Variants in DGKB observed in about 807,000 individuals in gnomAD.
DGKB encodes the protein 90 kDa diacylglycerol kinase.
Under a neutral mutation model 114.3 loss-of-function variants are expected in DGKB, and 67 were observed. The observed-to-expected ratio is 0.59, with a 90% CI of 0.48 to 0.72. DGKB has a LOEUF of 0.72. DGKB is among the 30% of genes least tolerant of loss of function. The pLI is 0.00. For missense variants in DGKB, 907 were observed against 975.2 expected, an observed-to-expected ratio of 0.93 and a Z score of 0.93; for synonymous variants, 398 against 323.1, an observed-to-expected ratio of 1.23 and a Z score of -2.49.
chr7:14,224,355 G>A (rs1790451423), intron 23 of DGKB, among the ~76,000 whole-genome samples: 1 of 151,778 alleles, frequency 6.6e-6, no homozygotes, highest in Non-Finnish European at 1.5e-5. Context: ...CTATTTTTAT[G>A]TATAATGTAT....
intron 23 of DGKB, among the ~76,000 whole-genome samples, chr7:14,246,089 A>C (rs1794430408): frequency 6.6e-6 from 1 of 152,166 alleles, no homozygotes. Flanking sequence ...AAGGAGCCTT[A>C]ATAGGGGACA....
intron 13 of DGKB, among the ~76,000 whole-genome samples, chr7:14,664,740 G>C (rs1817722335): frequency 6.6e-6 from 1 of 151,924 alleles, no homozygotes; most frequent in South Asian, 2.1e-4. Flanking sequence ...CACCTCTAGA[G>C]CCCCTGTAAG....
intron 17 of DGKB, among the ~76,000 whole-genome samples, chr7:14,591,853 T>G (rs1284795360): frequency 6.6e-6 from 1 of 151,986 alleles, no homozygotes; most frequent in Non-Finnish European, 1.5e-5. Context: ...CAGTAAATTT[T>G]CACTTGTACC....
intron 13 of DGKB, among the ~76,000 whole-genome samples, chr7:14,658,204 A>G (rs552782763): frequency 1.3e-5 from 2 of 152,078 alleles, no homozygotes; most frequent in East Asian, 3.9e-4. Flanking sequence ...CAACTTAGCC[A>G]AGTTTTCAGA....
At position 14,793,082 on chromosome 7, in the gene DGKB, T is replaced by C. The variant is rs542972296; in HGVS notation, c.71-35351A>G. The stretch of plus-strand genomic sequence containing the variant: ...AAAAAGACTGCCCCTACCAAACATA[T>C]GCGTATGTAATACACATTTTAGAGG... On this transcript the variant is annotated intron_variant, in intron 2 of 25. Coordinates refer to ENST00000402815, the MANE Select transcript of DGKB (RefSeq NM_001350709.2). Among the ~76,000 whole-genome samples the C allele has an allele frequency of 1.2e-4, 19 of 152,158 alleles. No homozygotes were observed. The South Asian group carries it at 3.7e-3, about 30-fold the overall frequency.
Position 14,746,560 on chromosome 7 carries a change from G to T in DGKB, c.168+7368C>A, listed in dbSNP as rs139332631. 1.3e-3 allele frequency among the ~76,000 whole-genome samples: 198 copies of T among 152,144 alleles called. 1 individual carries two copies. Among genetic ancestry groups the T allele is most frequent in the African/African-American group, 4.5e-3 (188 of 41,500 alleles). On this transcript the variant is annotated intron_variant, in intron 4 of 25. Coordinates refer to ENST00000402815, the MANE Select transcript of DGKB (RefSeq NM_001350709.2). ...CCACCCCATGCTGGAGTGCAATGGCGTGATCTTGGCTCACTGCAACTTCCG... is the reference window on the plus strand; with the variant it reads ...CCACCCCATGCTGGAGTGCAATGGCTTGATCTTGGCTCACTGCAACTTCCG...
chr7:14,332,900 A>G (rs1056680476), intron 23 of DGKB, among the ~76,000 whole-genome samples: 2 of 152,174 alleles, frequency 1.3e-5, no homozygotes, highest in Non-Finnish European at 2.9e-5. Flanking sequence ...GGACAGTTGT[A>G]TCCATATGCA....
At chr7:14,724,763 A>G (rs896249335) in intron 5 of DGKB, among the ~76,000 whole-genome samples, 6 of 152,218 alleles carry the variant, frequency 3.9e-5, no homozygotes, top group Non-Finnish European at 5.9e-5. Flanking sequence ...TCGTGATCAT[A>G]TACCAGTCAG....
At chr7:14,384,466 A>C (rs1417446650) in intron 21 of DGKB, among the ~76,000 whole-genome samples, 1 of 151,950 alleles carries the variant, frequency 6.6e-6, no homozygotes, top group East Asian at 1.9e-4. Flanking sequence ...CCACCACTAA[A>C]CCCAATGTGT....
chr7:14,263,237 G>A (rs186298120), intron 23 of DGKB, among the ~76,000 whole-genome samples: 2 of 152,230 alleles, frequency 1.3e-5, no homozygotes, highest in East Asian at 1.9e-4. Context: ...ACAGCAGGTA[G>A]TATTACTACG....
At chr7:14,796,533 C>A (rs188241004) in intron 2 of DGKB, among the ~76,000 whole-genome samples, 17 of 152,102 alleles carry the variant, frequency 1.1e-4, no homozygotes, top group Non-Finnish European at 2.1e-4. Context: ...TGGCTTTACC[C>A]GCACAATTCT....
chr7:14,332,351 G>A (rs965999889), intron 23 of DGKB, among the ~76,000 whole-genome samples: 1 of 151,990 alleles, frequency 6.6e-6, no homozygotes, highest in Non-Finnish European at 1.5e-5. Context: ...GCTGGAATCT[G>A]GTGCCTGCAC....
chr7:14,901,605 A>ACCCCCCCCCCCCCCCCC (rs1300363624), intron 1 of DGKB, among the ~76,000 whole-genome samples: 5 of 123,092 alleles, frequency 4.1e-5, no homozygotes, highest in African/African-American at 3.1e-5. Flanking sequence ...AGGGATTTCC[A>ACCCCCCCCCCCCCCCCC]CCCCCCCCCA....
At chr7:14,587,065 A>T (rs1204521761) in intron 17 of DGKB, among the ~76,000 whole-genome samples, 1 of 152,132 alleles carries the variant, frequency 6.6e-6, no homozygotes, top group Non-Finnish European at 1.5e-5. Flanking sequence ...TGCCACAGAC[A>T]GTGATTCATT....
At chr7:14,936,596 GA>G (rs952124322) in intron 1 of DGKB, among the ~76,000 whole-genome samples, 3 of 152,100 alleles carry the variant, frequency 2.0e-5, no homozygotes, top group Non-Finnish European at 2.9e-5. Context: ...GGAAAGGAAG[GA>G]AAAAGACTTA....
intron 1 of DGKB, among the ~76,000 whole-genome samples, chr7:14,947,492 T>C (rs17168536): frequency 0.048 from 6,691 of 138,920 alleles, 437 homozygotes; most frequent in African/African-American, 0.16. Flanking sequence ...GAAGCATTTA[T>C]GTTAAAACAA....
At chr7:14,846,638 T>C (rs1848660632) in intron 1 of DGKB, among the ~76,000 whole-genome samples, 1 of 152,190 alleles carries the variant, frequency 6.6e-6, no homozygotes, top group South Asian at 2.1e-4. Flanking sequence ...AGTCTTTCTT[T>C]AGGCACATAA....
chr7:14,610,568 TG>T (rs1805363852), intron 16 of DGKB, among the ~76,000 whole-genome samples: 1 of 152,114 alleles, frequency 6.6e-6, no homozygotes, highest in Non-Finnish European at 1.5e-5. Context: ...TTTATATACA[TG>T]TGAAAATATG....
intron 20 of DGKB, among the ~76,000 whole-genome samples, chr7:14,518,816 T>G (rs1789269842): frequency 6.6e-6 from 1 of 151,994 alleles, no homozygotes; most frequent in Admixed American, 6.6e-5. Context: ...ATGTGGCTCT[T>G]CAATTTTAGC....
Sources: gnomAD v4.1 joint callset for allele counts (sites outside exome capture counted in the v4.1 genomes callset) on GRCh38, gnomAD v4.1.1 for gene constraint, MANE v1.5 for transcripts, NCBI Gene and HGNC (gene_info 2026-07-23, HGNC 2026-07-21) for gene names.